L3MBTL4: variants seen among roughly 807,000 people sequenced by gnomAD.
The protein encoded by L3MBTL4 is L3MBTL histone methyl-lysine binding protein 4, also known as lethal(3)malignant brain tumor-like protein 4.
A neutral mutation model predicts 84.5 loss-of-function variants in L3MBTL4; 70 were observed. That is an observed-to-expected ratio of 0.83 (90% CI 0.68 to 1.01). L3MBTL4 has a LOEUF of 1.01. L3MBTL4 is among the 50% of genes least tolerant of loss of function. The pLI is 0.00. For synonymous variants in L3MBTL4, 274 were observed against 259.8 expected (o/e 1.05, Z -0.52); for missense variants, 715 against 754.8 (o/e 0.95, Z 0.62).
At chr18:6,178,513 C>G (rs1452183122) in intron 12 of L3MBTL4, among the ~76,000 whole-genome samples, 4 of 152,162 alleles carry the variant, frequency 2.6e-5, no homozygotes, top group African/African-American at 9.7e-5. Flanking sequence ...ATTTTGAAAA[C>G]CAAATCATCT....
intron 16 of L3MBTL4, among the ~76,000 whole-genome samples, chr18:6,053,715 C>T (rs576868112): frequency 6.6e-6 from 1 of 152,308 alleles, no homozygotes; most frequent in African/African-American, 2.4e-5. Flanking sequence ...TCCACTGCAG[C>T]ATGCGTATCC....
intron 4 of L3MBTL4, among the ~76,000 whole-genome samples, chr18:6,285,992 C>T (rs1040247140): frequency 1.3e-5 from 2 of 151,428 alleles, no homozygotes; most frequent in African/African-American, 2.4e-5. Context: ...CCACCACGCC[C>T]AGCTAATTTT....
chr18:6,390,554 T>C (rs2055003507), intron 1 of L3MBTL4, among the ~76,000 whole-genome samples: 1 of 151,986 alleles, frequency 6.6e-6, no homozygotes, highest in Non-Finnish European at 1.5e-5. Flanking sequence ...TTTGAAAAGA[T>C]AAACAAAATT....
At chr18:6,379,850 TTCTC>T (rs1334470840) in intron 1 of L3MBTL4, among the ~76,000 whole-genome samples, 3 of 152,164 alleles carry the variant, frequency 2.0e-5, no homozygotes, top group Non-Finnish European at 4.4e-5. Flanking sequence ...TTAGGGAGGA[TTCTC>T]TCTTTTTCTA....
intron 1 of L3MBTL4, among the ~76,000 whole-genome samples, chr18:6,315,462 G>A (rs374509): frequency 0.049 from 7,440 of 152,152 alleles, 210 homozygotes; most frequent in East Asian, 0.11. Context: ...AGTCCTCTAC[G>A]TATACACTTT....
At position 5,958,117 on chromosome 18, in the gene L3MBTL4, AG is replaced by A. The variant is rs1567911801; in HGVS notation, c.1678-1731del. ...AAGAAGAAGAAGAAGAAGAAGAAGA[AG>A]AAGAAGAAGAAAAAGAAGAAGAAGA... On this transcript the variant is annotated intron_variant, in intron 18 of 18. Transcript: ENST00000317931. 7.1e-4 allele frequency among the ~76,000 whole-genome samples: 42 copies of A among 58,996 alleles called. 1 individual carries two copies. Among genetic ancestry groups the A allele is most frequent in the South Asian group, 2.4e-3 (5 of 2,084 alleles). 38.7% of individuals were successfully genotyped at this position (58,996 alleles called of 152,430 possible). A position where few individuals can be genotyped will look rare whatever the true frequency, so the allele number is the denominator to read the frequency against.
chr18:6,375,769 C>A (rs1301673332), intron 1 of L3MBTL4, among the ~76,000 whole-genome samples: 2 of 152,082 alleles, frequency 1.3e-5, no homozygotes, highest in African/African-American at 2.4e-5. Context: ...TCCAATAGGA[C>A]CTGGTGACAG....
In L3MBTL4 at chr18:6,156,567, G is replaced by A. The variant is rs918645014; in HGVS notation, c.1096+15261C>T. ...GAAGGCATCATTGTCTTCTGAAAGG[G>A]TTAAATCTCTCTGAGAAAAAGCTGA... On this transcript the variant is annotated intron_variant, in intron 13 of 18. Coordinates refer to ENST00000317931, the MANE Select transcript of L3MBTL4 (RefSeq NM_001330559.2). Among the ~76,000 whole-genome samples the A allele has an allele frequency of 2.0e-5, 3 of 152,136 alleles. 1 individual carries two copies. The highest frequency in any genetic ancestry group is 2.9e-5 in the Non-Finnish European group (2 of 68,018).
At chr18:6,254,538 T>C (rs1232225647) in intron 5 of L3MBTL4, among the ~76,000 whole-genome samples, 1 of 151,820 alleles carries the variant, frequency 6.6e-6, no homozygotes, top group Non-Finnish European at 1.5e-5. Flanking sequence ...TGGCTGATTG[T>C]GTATTTTTAA....
chr18:6,011,512 C>G (rs369606737), intron 16 of L3MBTL4, among the ~76,000 whole-genome samples: 1 of 152,048 alleles, frequency 6.6e-6, no homozygotes, highest in African/African-American at 2.4e-5. Context: ...CTGACTGAGC[C>G]CCATCTGAAT....
Position 5,958,168 on chromosome 18 carries a change from A to T in L3MBTL4, c.1678-1781T>A, listed in dbSNP as rs534711587. Among the ~76,000 whole-genome samples, 163 of 132,284 alleles carry T rather than the reference A, an allele frequency of 1.2e-3. 2 individuals carry two copies. Among genetic ancestry groups the T allele is most frequent in the East Asian group, 3.5e-3 (16 of 4,598 alleles). 86.8% of individuals were successfully genotyped at this position (132,284 alleles called of 152,430 possible). The stretch of plus-strand genomic sequence containing the variant: ...AAGAAGAAGAAGAAGAACAAGAAGA[A>T]GAAGAAGACGACGAAGAAGAAGAGG... On this transcript the variant is annotated intron_variant, in intron 18 of 18. Coordinates refer to ENST00000317931, the MANE Select transcript of L3MBTL4 (RefSeq NM_001330559.2).
chr18:5,998,061 A>G (rs1305852013), intron 16 of L3MBTL4, among the ~76,000 whole-genome samples: 1 of 152,212 alleles, frequency 6.6e-6, no homozygotes, highest in Non-Finnish European at 1.5e-5. Context: ...AACCATAGAT[A>G]CAAAACAGCA....
At chr18:6,240,118 T>C (rs1192922476) in intron 8 of L3MBTL4, among the ~76,000 whole-genome samples, 2 of 152,032 alleles carry the variant, frequency 1.3e-5, no homozygotes, top group African/African-American at 4.8e-5. Context: ...AGGGAGGTTT[T>C]CTTTCCCTTA....
At chr18:6,262,209 G>A (rs1355383888) in intron 5 of L3MBTL4, among the ~76,000 whole-genome samples, 1 of 152,194 alleles carries the variant, frequency 6.6e-6, no homozygotes, top group Non-Finnish European at 1.5e-5. Context: ...AACCTGCAGT[G>A]GCTCTGTGGC....
chr18:6,200,490 T>C (rs1332189473), intron 12 of L3MBTL4, among the ~76,000 whole-genome samples: 1 of 152,146 alleles, frequency 6.6e-6, no homozygotes, highest in Non-Finnish European at 1.5e-5. Context: ...GAGAAGGAGG[T>C]TATTATTACC....
intron 16 of L3MBTL4, among the ~76,000 whole-genome samples, chr18:6,072,406 A>G (rs1239379941): frequency 6.6e-6 from 1 of 152,204 alleles, no homozygotes; most frequent in Non-Finnish European, 1.5e-5. Context: ...ATTTCTTCAT[A>G]CCACATATAA....
chr18:5,984,397 A>G (rs2053376824), intron 16 of L3MBTL4, among the ~76,000 whole-genome samples: 1 of 152,242 alleles, frequency 6.6e-6, no homozygotes, highest in Admixed American at 6.5e-5. Context: ...GACAACTTTC[A>G]TATACCACAG....
rs369477616 is a variant in L3MBTL4 at position 6,171,871 on chromosome 18, G to T, written c.1053C>A (p.Ile351=). 3 of 1,554,480 alleles carry T rather than the reference G, an allele frequency of 1.9e-6. No individual in the cohort carries two copies. The highest frequency in any genetic ancestry group is 3.9e-5 in the Admixed American group (2 of 51,286). Residue 351 remains isoleucine, a synonymous_variant, in exon 13 of 19, where the codon ATC becomes ATA. Coordinates refer to ENST00000317931, the MANE Select transcript of L3MBTL4 (RefSeq NM_001330559.2). ...VEADSPDIHP[I]GWCDVTGHPL... ...GATGCCCTGTGACATCACACCATCCGATCGGGTGGATATCAGGGCTGTCTG... is the reference window on the plus strand; with the variant it reads ...GATGCCCTGTGACATCACACCATCCTATCGGGTGGATATCAGGGCTGTCTG...
chr18:6,164,812 C>A (rs58829588), intron 13 of L3MBTL4, among the ~76,000 whole-genome samples: 3 of 152,284 alleles, frequency 2.0e-5, no homozygotes, highest in Non-Finnish European at 4.4e-5. Flanking sequence ...TCACCAGCAA[C>A]GGAACAAAGC....
Sources: gnomAD v4.1 joint callset for allele counts (sites outside exome capture counted in the v4.1 genomes callset) on GRCh38, gnomAD v4.1.1 for gene constraint, MANE v1.5 for transcripts, NCBI Gene and HGNC (gene_info 2026-07-23, HGNC 2026-07-21) for gene names.